Variants in HECW1 observed in about 807,000 individuals in gnomAD.
HECW1 encodes E3 ubiquitin-protein ligase HECW1.
Under a neutral mutation model 182.3 loss-of-function variants are expected in HECW1, and 61 were observed. The ratio of observed to expected loss-of-function variants is 0.33; its 90% CI spans 0.27 to 0.41. The LOEUF (loss-of-function observed/expected upper bound fraction) is 0.41, where lower values mean the gene tolerates loss of function less well. HECW1 is among the 10% of genes least tolerant of loss of function. The probability of loss-of-function intolerance (pLI) is 1.00; values close to 1 mark genes in which losing one functional copy is unlikely to be tolerated. For missense variants in HECW1, 1,739 were observed against 2,108.9 expected (o/e 0.82, Z 3.44); for synonymous variants, 859 against 832.6 (o/e 1.03, Z -0.55).
intron 6 of HECW1, among the ~76,000 whole-genome samples, chr7:43,363,958 G>T (rs1221204120): frequency 6.6e-6 from 1 of 152,134 alleles, no homozygotes; most frequent in African/African-American, 2.4e-5. Flanking sequence ...TCTCGTCTGG[G>T]GACTTGAGCA....
chr7:43,358,175 C>T lies in HECW1; in HGVS notation c.461-2711C>T, dbSNP rs558884411. ...TTTGGCCCCTCCATGCTGATCCCACCGGCACCTACAGGCAGAGTAACTCAT... is the reference window on the plus strand; with the variant it reads ...TTTGGCCCCTCCATGCTGATCCCACTGGCACCTACAGGCAGAGTAACTCAT... On this transcript the variant is annotated intron_variant, in intron 5 of 29. Coordinates refer to ENST00000395891, the MANE Select transcript of HECW1 (RefSeq NM_015052.5). Among the ~76,000 whole-genome samples, 33 of 152,228 alleles carry T rather than the reference C, an allele frequency of 2.2e-4. No individual in the cohort carries two copies. The East Asian group carries it at 2.7e-3, about 12-fold the overall frequency.
chr7:43,433,609 C>G (rs11773602), intron 8 of HECW1, among the ~76,000 whole-genome samples: 20,815 of 152,234 alleles, frequency 0.14, 1,744 homozygotes, highest in Middle Eastern at 0.21. Flanking sequence ...TCATAGTGGC[C>G]CCAGCGGTGG....
chr7:43,411,441 G>T (rs1308306392), intron 8 of HECW1, among the ~76,000 whole-genome samples: 2 of 152,128 alleles, frequency 1.3e-5, no homozygotes, highest in African/African-American at 4.8e-5. Context: ...AACTTGAAAA[G>T]AATGTATATT....
intron 2 of HECW1, among the ~76,000 whole-genome samples, chr7:43,178,166 C>A (rs1583835186): frequency 6.6e-6 from 1 of 152,266 alleles, no homozygotes; most frequent in East Asian, 1.9e-4. Flanking sequence ...ACCACCATGC[C>A]TGACTAATTT....
At chr7:43,482,493 G>A (rs937256684) in intron 17 of HECW1, among the ~76,000 whole-genome samples, 2 of 152,122 alleles carry the variant, frequency 1.3e-5, no homozygotes, top group Non-Finnish European at 2.9e-5. Flanking sequence ...TTGAAGCCAG[G>A]CCAAAAATAC....
chr7:43,212,588 G>C (rs1796096704), intron 2 of HECW1, among the ~76,000 whole-genome samples: 1 of 152,142 alleles, frequency 6.6e-6, no homozygotes, highest in South Asian at 2.1e-4. Context: ...CTCTTCTTAA[G>C]TAACTGGTAA....
chr7:43,534,178 T>C (rs141163751), intron 24 of HECW1, among the ~76,000 whole-genome samples: 45 of 152,292 alleles, frequency 3.0e-4, no homozygotes, highest in Middle Eastern at 3.4e-3. Context: ...TCTTTCACTA[T>C]CCAAAATGTC....
chr7:43,550,954 T>C (rs1268377722), intron 27 of HECW1, among the ~76,000 whole-genome samples: 2 of 152,102 alleles, frequency 1.3e-5, no homozygotes, highest in Admixed American at 6.5e-5. Flanking sequence ...AGTGAAGACA[T>C]TGGGGGGTAT....
chr7:43,294,255 C>T (rs1358640447), intron 3 of HECW1, among the ~76,000 whole-genome samples: 2 of 152,236 alleles, frequency 1.3e-5, no homozygotes, highest in Non-Finnish European at 2.9e-5. Flanking sequence ...GTGCCTTTGG[C>T]ATGTCCACTA....
intron 6 of HECW1, among the ~76,000 whole-genome samples, chr7:43,378,876 CAGACA>C (rs1562908291): frequency 6.6e-6 from 1 of 151,772 alleles, no homozygotes; most frequent in Non-Finnish European, 1.5e-5. Flanking sequence ...GATGGTGAAA[CAGACA>C]AGACTGTCTC....
chr7:43,424,644 T>A (rs1008011481), intron 8 of HECW1, among the ~76,000 whole-genome samples: 15 of 151,896 alleles, frequency 9.9e-5, no homozygotes, highest in East Asian at 3.9e-4. Flanking sequence ...AAAAAATAAA[T>A]AAATAAATAA....
At chr7:43,140,618 C>T (rs1276003403) in intron 2 of HECW1, among the ~76,000 whole-genome samples, 2 of 152,154 alleles carry the variant, frequency 1.3e-5, no homozygotes, top group East Asian at 1.9e-4. Flanking sequence ...TCTTAAATTA[C>T]GTGATTCAAT....
At chr7:43,538,520 A>G (rs1306183383) in intron 24 of HECW1, among the ~76,000 whole-genome samples, 3 of 152,196 alleles carry the variant, frequency 2.0e-5, no homozygotes, top group Non-Finnish European at 4.4e-5. Flanking sequence ...CTTGCACAAG[A>G]TCACACACCA....
intron 6 of HECW1, among the ~76,000 whole-genome samples, chr7:43,393,374 TAA>T (rs2075112868): frequency 6.6e-6 from 1 of 152,194 alleles, no homozygotes. Flanking sequence ...CAATAAACTG[TAA>T]AGAGTCTGTC....
At chr7:43,213,515 G>A (rs1040921759) in intron 2 of HECW1, among the ~76,000 whole-genome samples, 3 of 147,484 alleles carry the variant, frequency 2.0e-5, no homozygotes, top group African/African-American at 5.0e-5. Context: ...GCGTGATCTC[G>A]GCTCACTGCA....
At chr7:43,438,336 C>T in intron 9 of HECW1, 191 bp downstream of exon 9, 2 of 479,382 alleles carry the variant, frequency 4.2e-6, no homozygotes, top group Middle Eastern at 5.2e-4. Flanking sequence ...AAACCCATCC[C>T]TTTTCACTTG....
chr7:43,528,215 C>G (rs1217412317), intron 24 of HECW1, among the ~76,000 whole-genome samples: 1 of 152,074 alleles, frequency 6.6e-6, no homozygotes, highest in African/African-American at 2.4e-5. Flanking sequence ...TTCAACTCTC[C>G]CAGTAAAGAA....
intron 8 of HECW1, among the ~76,000 whole-genome samples, chr7:43,427,847 G>T (rs182014664): frequency 5.4e-4 from 83 of 152,298 alleles, no homozygotes; most frequent in Admixed American, 1.8e-3. Flanking sequence ...GATGGAGAAT[G>T]TCCCTTGCAT....
chr7:43,117,324 G>A (rs1785136975), intron 2 of HECW1, among the ~76,000 whole-genome samples: 1 of 151,962 alleles, frequency 6.6e-6, no homozygotes. Flanking sequence ...TTTCTCTCTG[G>A]TTCCTCATTT....
Sources: allele counts gnomAD v4.1 joint callset (sites outside exome capture counted in the v4.1 genomes callset), GRCh38; gene constraint gnomAD v4.1.1; transcripts MANE v1.5; gene names NCBI Gene and HGNC (gene_info 2026-07-23, HGNC 2026-07-21).